The following FOXP1 variants were observed in gnomAD, a reference collection of about 807,000 sequenced individuals.
FOXP1 encodes the protein forkhead box protein P1.
FOXP1 carries 15 observed loss-of-function variants against 98.2 expected under a neutral mutation model. The observed-to-expected ratio is 0.15, with a 90% CI of 0.10 to 0.24. The LOEUF (loss-of-function observed/expected upper bound fraction) is 0.24. Among genes scored for constraint, FOXP1 ranks in the 10% least tolerant of loss-of-function variants. FOXP1 has a pLI of 1.00. For missense variants in FOXP1, 633 were observed against 848.5 expected, an observed-to-expected ratio of 0.75 and a Z score of 3.15; for synonymous variants, 371 against 314.5, an observed-to-expected ratio of 1.18 and a Z score of -1.90.
chr3:71,350,760 TTC>T (rs1461755503), intron 4 of FOXP1, among the ~76,000 whole-genome samples: 1 of 152,236 alleles, frequency 6.6e-6, no homozygotes, highest in Non-Finnish European at 1.5e-5. Context: ...CACCCTGTAA[TTC>T]TATGTATTTG....
At chr3:71,556,991 C>T (rs2046190472) in intron 2 of FOXP1, among the ~76,000 whole-genome samples, 1 of 150,690 alleles carries the variant, frequency 6.6e-6, no homozygotes, top group Non-Finnish European at 1.5e-5. Context: ...TATTCAATGA[C>T]TAAAAAAAAA....
intron 5 of FOXP1, among the ~76,000 whole-genome samples, chr3:71,207,952 A>T (rs1476572936): frequency 6.6e-6 from 1 of 152,274 alleles, no homozygotes; most frequent in Admixed American, 6.5e-5. Flanking sequence ...TAAAATGGAC[A>T]GGTAAGAACC....
Position 71,542,049 on chromosome 3 carries a change from G to T in FOXP1, c.-298+39500C>A, listed in dbSNP as rs763621942. On this transcript the variant is annotated intron_variant, in intron 2 of 20. Coordinates refer to ENST00000649528, the MANE Select transcript of FOXP1 (RefSeq NM_001349338.3). ...ATATATAAAATTTAAGAAAAGCCAG[G>T]GTCTGTATAGAAAACATTAAACTGG... 5.6e-6 allele frequency: 3 copies of T among 532,890 alleles called. No homozygotes were observed. The East Asian group carries it at 1.6e-4, about 29-fold the overall frequency. 33.0% of individuals were successfully genotyped at this position (532,890 alleles called of 1,614,324 possible).
intron 2 of FOXP1, among the ~76,000 whole-genome samples, chr3:71,517,187 A>T (rs558546510): frequency 2.0e-4 from 27 of 133,166 alleles, no homozygotes; most frequent in Admixed American, 2.2e-4. Context: ...ACTGAAGGTG[A>T]TCTATCAAAA....
chr3:70,987,437 G>A (rs1414364965), intron 14 of FOXP1, among the ~76,000 whole-genome samples: 1 of 152,196 alleles, frequency 6.6e-6, no homozygotes, highest in African/African-American at 2.4e-5. Context: ...TCCTAACTGT[G>A]AAGGAATAAT....
At chr3:71,192,762 A>C (rs896210723) in intron 6 of FOXP1, among the ~76,000 whole-genome samples, 2 of 151,912 alleles carry the variant, frequency 1.3e-5, no homozygotes, top group Non-Finnish European at 2.9e-5. Context: ...GGATCCTCCC[A>C]CCTCAGCCTC....
At chr3:71,176,890 CAT>C (rs1173166781) in intron 6 of FOXP1, among the ~76,000 whole-genome samples, 32 of 151,946 alleles carry the variant, frequency 2.1e-4, no homozygotes, top group Non-Finnish European at 1.5e-5. Flanking sequence ...CGTGAAACCC[CAT>C]CTCTACTAAA....
At chr3:71,516,276 A>G (rs955483184) in intron 2 of FOXP1, among the ~76,000 whole-genome samples, 7 of 152,216 alleles carry the variant, frequency 4.6e-5, no homozygotes, top group Non-Finnish European at 8.8e-5. Context: ...GAAAAGCACA[A>G]TGCAAACGTG....
intron 5 of FOXP1, among the ~76,000 whole-genome samples, chr3:71,250,204 C>T (rs1284187119): frequency 5.9e-5 from 9 of 152,210 alleles, no homozygotes; most frequent in Non-Finnish European, 1.3e-4. Context: ...CCACCGCATT[C>T]GTGACCTCCA....
At chr3:71,227,948 T>C (rs1204265312) in intron 5 of FOXP1, among the ~76,000 whole-genome samples, 2 of 138,230 alleles carry the variant, frequency 1.4e-5, no homozygotes, top group East Asian at 2.2e-4. Flanking sequence ...TGTATGACTA[T>C]GCAGCTCCCG....
At chr3:71,577,441 GA>G (rs75549115) in intron 2 of FOXP1, among the ~76,000 whole-genome samples, 164 of 139,574 alleles carry the variant, frequency 1.2e-3, no homozygotes, top group South Asian at 1.4e-3. Context: ...AACGTCCCAG[GA>G]AAAAAAAAAA....
At chr3:71,519,098 T>C (rs1475819765) in intron 2 of FOXP1, among the ~76,000 whole-genome samples, 1 of 151,990 alleles carries the variant, frequency 6.6e-6, no homozygotes, top group Non-Finnish European at 1.5e-5. Context: ...ATACAAAAAT[T>C]AGCCAGATGT....
chr3:71,533,857 G>T (rs1421993792), intron 2 of FOXP1, among the ~76,000 whole-genome samples: 1 of 152,150 alleles, frequency 6.6e-6, no homozygotes, highest in Non-Finnish European at 1.5e-5. Context: ...CATTTCTTTG[G>T]AATCCACCTT....
chr3:71,550,502 T>TA (rs1254627631), intron 2 of FOXP1, among the ~76,000 whole-genome samples: 4 of 152,236 alleles, frequency 2.6e-5, no homozygotes, highest in Non-Finnish European at 5.9e-5. Context: ...AAGTTTTATT[T>TA]AGTTATCTAT....
intron 3 of FOXP1, among the ~76,000 whole-genome samples, chr3:71,385,956 C>T (rs895163972): frequency 6.6e-6 from 1 of 152,140 alleles, no homozygotes; most frequent in Non-Finnish European, 1.5e-5. Flanking sequence ...CTGAAATTAA[C>T]GTCTGCACCT....
At position 70,958,273 on chromosome 3, in the gene FOXP1, C is replaced by A; in HGVS notation, c.*974G>T. 1.9e-6 allele frequency: 1 copy of A among 535,240 alleles called. No homozygotes were observed. The highest frequency in any genetic ancestry group is 3.6e-6 in the Non-Finnish European group (1 of 276,120). 33.2% of individuals were successfully genotyped at this position (535,240 alleles called of 1,614,324 possible). ...CCCCGAACCACCCCCAATACTGCTG[C>A]GTGGAATGAATCGGCATTGTTCCTA... On this transcript the variant is annotated 3_prime_UTR_variant, in exon 21 of 21. Transcript: ENST00000649528.
intron 14 of FOXP1, among the ~76,000 whole-genome samples, chr3:70,981,255 A>G (rs1051177199): frequency 6.6e-6 from 1 of 151,696 alleles, no homozygotes; most frequent in Admixed American, 6.6e-5. Context: ...AAGTTAGCAC[A>G]ATCCACAAAG....
intron 12 of FOXP1, among the ~76,000 whole-genome samples, chr3:71,010,328 A>C (rs1043206780): frequency 1.3e-5 from 2 of 151,904 alleles, no homozygotes. Flanking sequence ...TTGGACCTTG[A>C]CTCCACCTCT....
intron 5 of FOXP1, among the ~76,000 whole-genome samples, chr3:71,223,179 A>G (rs1340656613): frequency 6.6e-6 from 1 of 152,206 alleles, no homozygotes; most frequent in Non-Finnish European, 1.5e-5. Flanking sequence ...ACTCCTTTGA[A>G]TGGAATAACA....
Sources: gnomAD v4.1 joint callset for allele counts (sites outside exome capture counted in the v4.1 genomes callset) on GRCh38, gnomAD v4.1.1 for gene constraint, MANE v1.5 for transcripts, NCBI Gene and HGNC (gene_info 2026-07-23, HGNC 2026-07-21) for gene names.